TRPC6: variants seen among roughly 807,000 people sequenced by gnomAD.
The protein encoded by TRPC6 is short transient receptor potential channel 6.
TRPC6 carries 55 observed loss-of-function variants against 90.7 expected under a neutral mutation model. The observed-to-expected ratio is 0.61, with a 90% CI of 0.49 to 0.76. The LOEUF (loss-of-function observed/expected upper bound fraction) is 0.76. Ranked by LOEUF, TRPC6 falls within the 30% of genes least tolerant of loss-of-function variation. The pLI is 0.00. For missense variants in TRPC6, 989 were observed against 1,122.7 expected (o/e 0.88, Z 1.70); for synonymous variants, 393 against 393.0 (o/e 1.00, Z 0.00).
At chr11:101,521,263 G>C (rs1487310451) in intron 1 of TRPC6, among the ~76,000 whole-genome samples, 1 of 152,158 alleles carries the variant, frequency 6.6e-6, no homozygotes, top group Non-Finnish European at 1.5e-5. Flanking sequence ...ACTGCTCCCT[G>C]TTTCCCAGCC....
intron 10 of TRPC6, among the ~76,000 whole-genome samples, chr11:101,461,994 T>G (rs1352702912): frequency 1.3e-5 from 2 of 152,186 alleles, no homozygotes; most frequent in African/African-American, 4.8e-5. Context: ...TAATGACAAG[T>G]GAGGAAACTC....
At chr11:101,547,400 C>T (rs980734000) in intron 1 of TRPC6, among the ~76,000 whole-genome samples, 11 of 152,088 alleles carry the variant, frequency 7.2e-5, no homozygotes, top group Non-Finnish European at 1.5e-4. Flanking sequence ...CTCAAGTACT[C>T]TAAAGCACAA....
At chr11:101,564,351 T>A (rs1367095206) in intron 1 of TRPC6, among the ~76,000 whole-genome samples, 1 of 152,206 alleles carries the variant, frequency 6.6e-6, no homozygotes, top group Non-Finnish European at 1.5e-5. Flanking sequence ...TCTCTTACTG[T>A]ATCTAATAAT....
chr11:101,505,769 C>T (rs957286010), intron 1 of TRPC6, among the ~76,000 whole-genome samples: 2 of 152,094 alleles, frequency 1.3e-5, no homozygotes, highest in Admixed American at 1.3e-4. Context: ...AATCCCAGGA[C>T]CTTGCAGGGC....
At chr11:101,533,361 G>C (rs1018767675) in intron 1 of TRPC6, among the ~76,000 whole-genome samples, 2 of 152,146 alleles carry the variant, frequency 1.3e-5, no homozygotes, top group African/African-American at 2.4e-5. Context: ...GCAAGAGAGA[G>C]AGAGTTTGGT....
At chr11:101,521,885 C>T (rs1450131857) in intron 1 of TRPC6, among the ~76,000 whole-genome samples, 1 of 152,222 alleles carries the variant, frequency 6.6e-6, no homozygotes, top group Non-Finnish European at 1.5e-5. Flanking sequence ...TGGCTGATTT[C>T]TCCCCTTTGG....
At chr11:101,573,829 C>G (rs1862013391) in intron 1 of TRPC6, among the ~76,000 whole-genome samples, 2 of 151,698 alleles carry the variant, frequency 1.3e-5, no homozygotes, top group African/African-American at 4.8e-5. Flanking sequence ...ACATTAATAA[C>G]AATGGCATCC....
chr11:101,504,882 T>A, intron 1 of TRPC6, 84 bp from the exon 2 acceptor site: 1 of 1,493,514 alleles, frequency 6.7e-7, no homozygotes, highest in Non-Finnish European at 9.1e-7. Flanking sequence ...TCTAATACAA[T>A]CCTCAAGTAT....
chr11:101,522,823 G>A (rs1458761206), intron 1 of TRPC6, among the ~76,000 whole-genome samples: 1 of 152,216 alleles, frequency 6.6e-6, no homozygotes, highest in Non-Finnish European at 1.5e-5. Flanking sequence ...GCAAGGAAAT[G>A]TTAGGCATAG....
At position 101,504,771 on chromosome 11, in the gene TRPC6, G is replaced by T. The variant is rs201084042; in HGVS notation, c.198C>A (p.His66Gln). The change falls in exon 2 of 13, where the codon CAC becomes CAA. Residue 66 changes from histidine (H) to glutamine (Q), a missense_variant. Physicochemically the swap from His to Gln is conservative, Grantham distance 24. This residue lies in a region of TRPC6 where 194 missense variants were observed against 136.5 expected (regional missense o/e 1.42). Coordinates refer to ENST00000344327, the MANE Select transcript of TRPC6 (RefSeq NM_004621.6). ...CFRGSDNRLA[H>Q]RRQTVLREKG... Reference sequence around the variant, plus strand: ...TCTCACGGAGAACTGTCTGCCGCCGGTGAGCCAGTCTGTTGTCAGATCCCC... The same window carrying T: ...TCTCACGGAGAACTGTCTGCCGCCGTTGAGCCAGTCTGTTGTCAGATCCCC... 2.5e-6 allele frequency: 4 copies of T among 1,609,540 alleles called. No individual in the cohort carries two copies. Among genetic ancestry groups the T allele is most frequent in the Non-Finnish European group, 3.4e-6 (4 of 1,177,956 alleles).
intron 1 of TRPC6, among the ~76,000 whole-genome samples, chr11:101,562,566 A>G (rs1048287449): frequency 7.2e-5 from 11 of 152,156 alleles, no homozygotes; most frequent in African/African-American, 2.7e-4. Context: ...TGCTCTACAG[A>G]CCTCATACCA....
At chr11:101,550,317 T>C (rs752303082) in intron 1 of TRPC6, among the ~76,000 whole-genome samples, 56 of 151,724 alleles carry the variant, frequency 3.7e-4, no homozygotes, top group Admixed American at 5.9e-4. Flanking sequence ...AGTATGATGT[T>C]ACATTAAATT....
At chr11:101,535,183 GA>G (rs1861011135) in intron 1 of TRPC6, among the ~76,000 whole-genome samples, 1 of 19,024 alleles carries the variant, frequency 5.3e-5, no homozygotes, top group Admixed American at 3.8e-4. Context: ...AGAAAGGAAG[GA>G]AGGAAGGAAG....
At chr11:101,531,387 C>A (rs892172863) in intron 1 of TRPC6, among the ~76,000 whole-genome samples, 2 of 152,186 alleles carry the variant, frequency 1.3e-5, no homozygotes, top group Admixed American at 1.3e-4. Context: ...AGAGACTTGA[C>A]CCCAGGAAGT....
intron 7 of TRPC6, 124 bp downstream of exon 7, chr11:101,473,385 G>T: frequency 9.2e-7 from 1 of 1,092,754 alleles, no homozygotes; most frequent in African/African-American, 1.6e-5. Flanking sequence ...CCCTCATTTT[G>T]CAAAACAGGA....
chr11:101,469,625 G>T, intron 9 of TRPC6, 124 bp from the exon 10 acceptor site: 1 of 604,946 alleles, frequency 1.7e-6, no homozygotes. Context: ...TATTCTTACG[G>T]GGTTCTTCCC....
chr11:101,544,061 T>C (rs1861238978), intron 1 of TRPC6, among the ~76,000 whole-genome samples: 1 of 152,032 alleles, frequency 6.6e-6, no homozygotes, highest in Non-Finnish European at 1.5e-5. Context: ...CATCAAAAAG[T>C]GGGCAGAGGA....
chr11:101,577,021 T>C (rs1402211043), intron 1 of TRPC6, among the ~76,000 whole-genome samples: 1 of 152,064 alleles, frequency 6.6e-6, no homozygotes, highest in African/African-American at 2.4e-5. Flanking sequence ...AGCTTCAAAG[T>C]CATCAGCTAT....
intron 6 of TRPC6, among the ~76,000 whole-genome samples, chr11:101,474,324 T>G (rs1241009886): frequency 6.6e-6 from 1 of 152,164 alleles, no homozygotes; most frequent in Non-Finnish European, 1.5e-5. Context: ...CTTTTATTGG[T>G]CACTCAAACA....
Sources: gnomAD v4.1 joint callset for allele counts (sites outside exome capture counted in the v4.1 genomes callset) on GRCh38, gnomAD v4.1.1 for gene constraint, gnomAD v4.1.1 regional missense constraint, MANE v1.5 for transcripts, NCBI Gene and HGNC (gene_info 2026-07-23, HGNC 2026-07-21) for gene names.